Variants in HS3ST3A1 observed in about 807,000 individuals in gnomAD.
HS3ST3A1 encodes heparan sulfate glucosamine 3-O-sulfotransferase 3A1.
HS3ST3A1 carries 19 observed loss-of-function variants against 25.7 expected under a neutral mutation model. That is an observed-to-expected ratio of 0.74 (90% confidence interval 0.52 to 1.08). HS3ST3A1 has a LOEUF of 1.08. Among genes scored for constraint, HS3ST3A1 ranks in the 50% least tolerant of loss-of-function variants. HS3ST3A1 has a pLI of 0.00. For missense variants in HS3ST3A1, 459 were observed against 594.3 expected (o/e 0.77, Z 2.37); for synonymous variants, 226 against 278.6 (o/e 0.81, Z 1.88).
At chr17:13,541,438 C>G (rs996250754) in intron 1 of HS3ST3A1, among the ~76,000 whole-genome samples, 43 of 152,160 alleles carry the variant, frequency 2.8e-4, no homozygotes, top group Admixed American at 2.4e-3. Flanking sequence ...CTGGGTAATT[C>G]ATCACTGTCT....
In HS3ST3A1 at chr17:13,496,445, G is replaced by A. The variant is rs534065954; in HGVS notation, c.973C>T (p.Arg325Cys). ...LISDPAGELGRVQDFLGLKRI... is the reference protein window; with the variant it reads ...LISDPAGELGCVQDFLGLKRI... ...TTGAGGCCCAGGAAGTCTTGCACGC[G>A]GCCCAGCTCCCCGGCCGGGTCGCTG... The change falls in exon 2 of 2, where the codon CGC becomes TGC. Residue 325 changes from arginine to cysteine, a missense_variant. Around this residue, in one of 3 missense-constraint regions of HS3ST3A1, gnomAD observed 67 missense variants for 231.4 expected, o/e 0.29. Coordinates refer to ENST00000284110, the MANE Select transcript of HS3ST3A1 (RefSeq NM_006042.3). 18 of 1,359,902 alleles carry A rather than the reference G, an allele frequency of 1.3e-5. No individual in the cohort carries two copies. The highest frequency in any genetic ancestry group is 1.7e-5 in the Non-Finnish European group (17 of 987,640). The allele number at this position is 1,359,902 out of a possible 1,614,324, so 84.2% of individuals were successfully genotyped here.
At chr17:13,543,786 A>T (rs1406075125) in intron 1 of HS3ST3A1, 1 of 152,602 alleles carries the variant, frequency 6.6e-6, no homozygotes, top group Non-Finnish European at 1.5e-5. Context: ...GCTACATAAC[A>T]AAAGTGGGTA....
intron 1 of HS3ST3A1, among the ~76,000 whole-genome samples, chr17:13,594,307 C>A (rs1232313374): frequency 6.6e-6 from 1 of 152,188 alleles, no homozygotes; most frequent in African/African-American, 2.4e-5. Context: ...AACCTGACCA[C>A]CACCCTGCAT....
At chr17:13,531,261 T>G (rs1906596397) in intron 1 of HS3ST3A1, among the ~76,000 whole-genome samples, 1 of 152,172 alleles carries the variant, frequency 6.6e-6, no homozygotes, top group Non-Finnish European at 1.5e-5. Context: ...CTCTTCAAAA[T>G]CAAGAACTCG....
At chr17:13,534,009 A>G (rs1239600303) in intron 1 of HS3ST3A1, among the ~76,000 whole-genome samples, 2 of 152,198 alleles carry the variant, frequency 1.3e-5, no homozygotes, top group Non-Finnish European at 2.9e-5. Flanking sequence ...TCAATTCCAT[A>G]GATCCCGAAG....
chr17:13,542,329 CAAAAAAAAA>C (rs61165551), intron 1 of HS3ST3A1, among the ~76,000 whole-genome samples: 1 of 116,900 alleles, frequency 8.6e-6, no homozygotes, highest in Non-Finnish European at 1.9e-5. Context: ...ACTCTGTTTC[CAAAAAAAAA>C]AAAAAAAAAT....
At position 13,588,670 on chromosome 17, in the gene HS3ST3A1, C is replaced by T. The variant is rs185450559; in HGVS notation, c.599+11861G>A. 9.7e-3 allele frequency among the ~76,000 whole-genome samples: 1,445 copies of T among 149,392 alleles called. 18 individuals are homozygous for T. Among genetic ancestry groups the T allele is most frequent in the African/African-American group, 0.034 (1,383 of 41,044 alleles). On this transcript the variant is annotated intron_variant, in intron 1 of 1. Coordinates refer to ENST00000284110, the MANE Select transcript of HS3ST3A1 (RefSeq NM_006042.3). ...ATGGGATTCACTCTCTTAGTATAGT[C>T]CATTTTATATGTAGTTCCATTTTTT...
rs1908712689 is a variant in HS3ST3A1, at chr17:13,600,884, C to G, written c.246G>C (p.Pro82=). 2.0e-6 allele frequency: 3 copies of G among 1,475,920 alleles called. No individual in the cohort carries two copies. The highest frequency in any genetic ancestry group is 1.5e-5 in the African/African-American group (1 of 67,420). 91.4% of individuals were successfully genotyped at this position (1,475,920 alleles called of 1,614,324 possible). Residue 82 remains proline, a synonymous_variant, in exon 1 of 2, where the codon CCG becomes CCC. Transcript: ENST00000284110. ...AGGPRELAVW[P]AAAQRKRLLQ... ...GGAGGCGCTTTCTCTGTGCCGCCGC[C>G]GGCCACACCGCCAGCTCCCTCGGGC...
At chr17:13,556,331 A>T (rs1422203883) in intron 1 of HS3ST3A1, among the ~76,000 whole-genome samples, 1 of 150,796 alleles carries the variant, frequency 6.6e-6, no homozygotes, top group African/African-American at 2.4e-5. Flanking sequence ...ACATGGTGAA[A>T]CCCCGTCTCT....
intron 1 of HS3ST3A1, among the ~76,000 whole-genome samples, chr17:13,504,315 T>TCAAA (rs148353655): frequency 1.4e-4 from 21 of 151,596 alleles, no homozygotes; most frequent in Admixed American, 4.6e-4. Context: ...AGACTCCATC[T>TCAAA]CAAACAAACA....
At chr17:13,588,835 C>A (rs1051013193) in intron 1 of HS3ST3A1, among the ~76,000 whole-genome samples, 1 of 152,148 alleles carries the variant, frequency 6.6e-6, no homozygotes, top group Non-Finnish European at 1.5e-5. Context: ...AGGCGCCCAC[C>A]ACCACGCCCA....
chr17:13,600,824 G>GGGCGGCC lies in HS3ST3A1; in HGVS notation c.299_305dup (p.Pro104AlafsTer273). ...CCTCCTCGCCGTCGTCGCGGGGCGC[G>GGGCGGCC]GGCGGCCGGCGCCTCCGCCACTGCG... On this transcript the variant is annotated frameshift_variant, in exon 1 of 2. Transcript: ENST00000284110. LOFTEE classifies it high-confidence loss of function. The GGGCGGCC allele has an allele frequency of 7.1e-7, 1 of 1,413,150 alleles. No individual in the cohort carries two copies. Among genetic ancestry groups the GGGCGGCC allele is most frequent in the Non-Finnish European group, 9.1e-7 (1 of 1,096,428 alleles). 87.5% of individuals were successfully genotyped at this position (1,413,150 alleles called of 1,614,324 possible). A position where few individuals can be genotyped will look rare whatever the true frequency, so the allele number is the denominator to read the frequency against.
rs560445389 is a variant in HS3ST3A1 at position 13,574,827 on chromosome 17, A to G, written c.599+25704T>C. 3.5e-4 allele frequency among the ~76,000 whole-genome samples: 53 copies of G among 152,214 alleles called. 1 individual carries two copies. The highest frequency in any genetic ancestry group is 1.2e-3 in the African/African-American group (51 of 41,564). ...CCTGCTCAAAAATGTTCCCCATGTC[A>G]ATAGATGGTAATTGTAAAACACTAA... On this transcript the variant is annotated intron_variant, in intron 1 of 1. Coordinates refer to ENST00000284110, the MANE Select transcript of HS3ST3A1 (RefSeq NM_006042.3).
chr17:13,554,415 T>C (rs1193597343), intron 1 of HS3ST3A1, among the ~76,000 whole-genome samples: 2 of 152,034 alleles, frequency 1.3e-5, no homozygotes, highest in Non-Finnish European at 2.9e-5. Flanking sequence ...AAATGAGAAA[T>C]AAAAGTGCTC....
intron 1 of HS3ST3A1, among the ~76,000 whole-genome samples, chr17:13,577,114 C>T (rs1462357125): frequency 6.6e-6 from 1 of 152,170 alleles, no homozygotes; most frequent in East Asian, 1.9e-4. Flanking sequence ...TCTCTTGAGA[C>T]TTATTCACTA....
intron 1 of HS3ST3A1, among the ~76,000 whole-genome samples, chr17:13,523,107 A>T (rs947228442): frequency 5.9e-5 from 9 of 152,194 alleles, no homozygotes; most frequent in Non-Finnish European, 7.4e-5. Context: ...CAGAGGATGA[A>T]CTAGGTCTCA....
intron 1 of HS3ST3A1, among the ~76,000 whole-genome samples, chr17:13,553,468 C>T (rs909656585): frequency 2.0e-5 from 3 of 152,138 alleles, no homozygotes; most frequent in Non-Finnish European, 4.4e-5. Flanking sequence ...GATACTGTGC[C>T]TTCTCTCTTA....
intron 1 of HS3ST3A1, among the ~76,000 whole-genome samples, chr17:13,528,311 C>A (rs1246588232): frequency 6.6e-6 from 1 of 152,212 alleles, no homozygotes. Flanking sequence ...CTACTCAGAT[C>A]ACCCTTCAGG....
In HS3ST3A1 at chr17:13,512,275, C is replaced by T. The variant is rs1376659216; in HGVS notation, c.600-15457G>A. On this transcript the variant is annotated intron_variant, in intron 1 of 1. Coordinates refer to ENST00000284110, the MANE Select transcript of HS3ST3A1 (RefSeq NM_006042.3). ...GATTGCGCCACTGCAGTCCGCAGTC[C>T]GGCCTGGGCGACAGAGCGAGACTCC... Among the ~76,000 whole-genome samples the T allele has an allele frequency of 9.1e-5, 12 of 131,206 alleles. No homozygotes were observed. In the East Asian group the frequency reaches 2.3e-3, roughly 25 times the overall value. The allele number at this position is 131,206 out of a possible 152,430, so 86.1% of individuals were successfully genotyped here.
Sources: gnomAD v4.1 joint callset for allele counts (sites outside exome capture counted in the v4.1 genomes callset) on GRCh38, gnomAD v4.1.1 for gene constraint, gnomAD v4.1.1 regional missense constraint, MANE v1.5 for transcripts, NCBI Gene and HGNC (gene_info 2026-07-23, HGNC 2026-07-21) for gene names.